PTPRA: variants seen among roughly 807,000 people sequenced by gnomAD.
PTPRA encodes protein tyrosine phosphatase receptor type A.
Under a neutral mutation model 104.8 loss-of-function variants are expected in PTPRA, and 25 were observed. That is an observed-to-expected ratio of 0.24 (90% CI 0.17 to 0.33). The LOEUF is 0.33. PTPRA is among the 10% of genes least tolerant of loss of function. The pLI is 1.00. For synonymous variants in PTPRA, 323 were observed against 368.9 expected (o/e 0.88, Z 1.43); for missense variants, 765 against 1,015.3 (o/e 0.75, Z 3.35).
intron 2 of PTPRA, among the ~76,000 whole-genome samples, chr20:2,941,525 C>G (rs2060920226): frequency 6.6e-6 from 1 of 152,234 alleles, no homozygotes; most frequent in South Asian, 2.1e-4. Context: ...GGACTGTCCA[C>G]ATCCAGTGCT....
chr20:2,986,675 T>G, intron 6 of PTPRA, 90 bp from the exon 7 acceptor site: 5 of 1,108,120 alleles, frequency 4.5e-6, no homozygotes, highest in Non-Finnish European at 6.9e-6. Flanking sequence ...CTGAATGAGC[T>G]CTTCCTCTTC....
chr20:2,969,996 C>T (rs1600191075), intron 5 of PTPRA, among the ~76,000 whole-genome samples: 1 of 56,612 alleles, frequency 1.8e-5, no homozygotes, highest in Non-Finnish European at 4.1e-5. Flanking sequence ...AAATAAATAA[C>T]TCCTTTTACA....
intron 9 of PTPRA, 102 bp downstream of exon 9, chr20:2,988,576 A>G: frequency 1.4e-6 from 2 of 1,472,652 alleles, no homozygotes; most frequent in Non-Finnish European, 1.8e-6. Context: ...TGGGCTTTTA[A>G]TGTTTAAGAG....
At chr20:2,979,321 C>T (rs999635331) in intron 6 of PTPRA, among the ~76,000 whole-genome samples, 1 of 152,106 alleles carries the variant, frequency 6.6e-6, no homozygotes, top group African/African-American at 2.4e-5. Context: ...TCTTGTATTA[C>T]TTCTCTCCCT....
At chr20:3,009,177 G>A (rs2064032838) in intron 11 of PTPRA, among the ~76,000 whole-genome samples, 1 of 152,088 alleles carries the variant, frequency 6.6e-6, no homozygotes, top group African/African-American at 2.4e-5. Flanking sequence ...CGAAAGTTTA[G>A]AACAGCTTCT....
At chr20:2,865,119 C>T in the PTPRA span, 1 of 1,614,120 alleles carries the variant, frequency 6.2e-7, no homozygotes, top group South Asian at 1.1e-5. This position sits in a 1 kb window ranked among gnomAD's most constrained non-coding sequence, Gnocchi z 5.2. Context: ...TCCCTCATCC[C>T]CATCATGCCT....
intron 20 of PTPRA, among the ~76,000 whole-genome samples, chr20:3,030,756 G>C (rs577235070): frequency 1.6e-5 from 2 of 122,580 alleles, no homozygotes; most frequent in Non-Finnish European, 3.1e-5. Context: ...CACAATCTCA[G>C]CTCGCTGCAA....
chr20:3,017,074 T>C (rs950259238), intron 12 of PTPRA, among the ~76,000 whole-genome samples: 12 of 152,240 alleles, frequency 7.9e-5, no homozygotes, highest in African/African-American at 2.9e-4. Context: ...TTAGTCATTG[T>C]GTTTTTTATA....
intron 1 of PTPRA, among the ~76,000 whole-genome samples, chr20:2,893,595 T>C (rs558946911): frequency 3.3e-5 from 5 of 152,200 alleles, no homozygotes; most frequent in Non-Finnish European, 7.3e-5. Flanking sequence ...AGCTATATTT[T>C]CATCCCCAAA....
rs1199829397 is a variant in PTPRA, at chr20:2,910,196, T to C, written c.-128-13011T>C. Among the ~76,000 whole-genome samples the C allele has an allele frequency of 4.3e-5, 4 of 93,706 alleles. No homozygotes were observed. In the Admixed American group the frequency reaches 5.2e-4, roughly 12 times the overall value. 61.5% of individuals were successfully genotyped at this position (93,706 alleles called of 152,430 possible). A position where few individuals can be genotyped will look rare whatever the true frequency, so the allele number is the denominator to read the frequency against. On this transcript the variant is annotated intron_variant, in intron 1 of 23. Coordinates refer to ENST00000399903, the MANE Select transcript of PTPRA (RefSeq NM_001385305.1). ...GACGTATAGTATATATGATATATGATATATATACTATATTGTATATGATAT... is the reference window on the plus strand; with the variant it reads ...GACGTATAGTATATATGATATATGACATATATACTATATTGTATATGATAT...
intron 3 of PTPRA, among the ~76,000 whole-genome samples, chr20:2,961,611 T>C (rs2061757865): frequency 6.6e-6 from 1 of 152,244 alleles, no homozygotes; most frequent in Non-Finnish European, 1.5e-5. Flanking sequence ...AGACATTTTA[T>C]ATTTTAATGA....
intron 1 of PTPRA, among the ~76,000 whole-genome samples, chr20:2,919,007 C>T (rs2060008985): frequency 6.6e-6 from 1 of 152,142 alleles, no homozygotes; most frequent in Admixed American, 6.6e-5. Context: ...GATACAGTGT[C>T]TGACACGTAG....
chr20:2,911,947 TTAAGAAA>T lies in PTPRA; in HGVS notation c.-128-11258_-128-11252del, dbSNP rs199670433. ...CTAATAGGTAGGTATTCAGATTCGA[TTAAGAAA>T]TTAGAAGGCCGGGCATGGGGACTCA... On this transcript the variant is annotated intron_variant, in intron 1 of 23. Coordinates refer to ENST00000399903, the MANE Select transcript of PTPRA (RefSeq NM_001385305.1). Among the ~76,000 whole-genome samples the T allele has an allele frequency of 1.6e-3, 240 of 152,170 alleles. 2 individuals carry two copies. The East Asian group carries it at 0.019, about 12-fold the overall frequency.
chr20:2,987,183 C>G (rs1213583517), intron 7 of PTPRA, among the ~76,000 whole-genome samples: 1 of 151,976 alleles, frequency 6.6e-6, no homozygotes, highest in Non-Finnish European at 1.5e-5. Context: ...ATCTCTAGGT[C>G]TAGCCCTGCT....
rs752957096 is a variant in PTPRA at position 3,022,641 on chromosome 20, C to T, written c.1329-48C>T. On this transcript the variant is annotated intron_variant, in intron 15 of 23. Coordinates refer to ENST00000399903, the MANE Select transcript of PTPRA (RefSeq NM_001385305.1). This position sits in a 1 kb window ranked among gnomAD's most constrained non-coding sequence, Gnocchi z 4.6. ...TGTGTTGCCCCTCCCTATCTGCTCCCACAAGGCAGGCTGGCCATCCCTATA... is the reference window on the plus strand; with the variant it reads ...TGTGTTGCCCCTCCCTATCTGCTCCTACAAGGCAGGCTGGCCATCCCTATA... 107 of 1,610,554 alleles carry T rather than the reference C, an allele frequency of 6.6e-5. No homozygotes were observed. Among genetic ancestry groups the T allele is most frequent in the Non-Finnish European group, 8.8e-5 (104 of 1,177,742 alleles).
At chr20:2,925,815 T>A (rs892976595) in intron 2 of PTPRA, among the ~76,000 whole-genome samples, 1 of 151,932 alleles carries the variant, frequency 6.6e-6, no homozygotes, top group Non-Finnish European at 1.5e-5. Context: ...GCTGTCTCAA[T>A]TGAAAAAACA....
chr20:3,001,848 A>G (rs2063641344), intron 9 of PTPRA, among the ~76,000 whole-genome samples: 2 of 152,192 alleles, frequency 1.3e-5, no homozygotes, highest in African/African-American at 4.8e-5. Context: ...TAATTTCCCT[A>G]TCTTTGGGTC....
rs573189267 is a variant in PTPRA, at chr20:2,924,148, G to A, written c.-50+863G>A. Among the ~76,000 whole-genome samples the A allele has an allele frequency of 2.0e-5, 3 of 152,280 alleles. No homozygotes were observed. The South Asian group carries it at 6.2e-4, about 32-fold the overall frequency. On this transcript the variant is annotated intron_variant, in intron 2 of 23. Transcript: ENST00000399903. ...AAATTGTGATATATGGTCAGGTGTGGTGGCTTACACCTGTAATCTAAGCAC... is the reference window on the plus strand; with the variant it reads ...AAATTGTGATATATGGTCAGGTGTGATGGCTTACACCTGTAATCTAAGCAC...
chr20:2,885,355 A>G (rs935399854), intron 1 of PTPRA, among the ~76,000 whole-genome samples: 4 of 152,220 alleles, frequency 2.6e-5, no homozygotes, highest in Non-Finnish European at 5.9e-5. Flanking sequence ...AAAACCTTAG[A>G]AACAATTTTG....
Sources: allele counts gnomAD v4.1 joint callset (sites outside exome capture counted in the v4.1 genomes callset), GRCh38; gene constraint gnomAD v4.1.1; non-coding constraint Gnocchi (gnomAD v3.1); transcripts MANE v1.5; gene names NCBI Gene and HGNC (gene_info 2026-07-23, HGNC 2026-07-21).